Variants in ABI3BP observed in about 807,000 individuals in gnomAD.
ABI3BP encodes the protein ABI family member 3 binding protein.
A neutral mutation model predicts 268.6 loss-of-function variants in ABI3BP; 216 were observed. The observed-to-expected ratio is 0.80, with a 90% CI of 0.72 to 0.90. The LOEUF (loss-of-function observed/expected upper bound fraction) is 0.90. Among genes scored for constraint, ABI3BP ranks in the 40% least tolerant of loss-of-function variants. ABI3BP has a pLI of 0.00. For missense variants in ABI3BP, 2,090 were observed against 2,182.4 expected (o/e 0.96, Z 0.84); for synonymous variants, 730 against 730.0 (o/e 1.00, Z 0.00).
chr3:100,966,728 CAG>C (rs2081435559), intron 1 of ABI3BP, among the ~76,000 whole-genome samples: 1 of 152,100 alleles, frequency 6.6e-6, no homozygotes, highest in Non-Finnish European at 1.5e-5. Context: ...ACACATGAAA[CAG>C]ATTAATGTGA....
At chr3:100,796,524 G>C in intron 51 of ABI3BP, 56 bp from the exon 52 acceptor site, 1 of 1,314,474 alleles carries the variant, frequency 7.6e-7, no homozygotes, top group Non-Finnish European at 1.1e-6. Context: ...ACTGGAGTGA[G>C]CTTAACCCAC....
At chr3:100,988,526 T>A (rs2092375400) in intron 1 of ABI3BP, among the ~76,000 whole-genome samples, 1 of 152,170 alleles carries the variant, frequency 6.6e-6, no homozygotes, top group Admixed American at 6.5e-5. Flanking sequence ...GCAATCCTTC[T>A]CCTTGTCTCA....
chr3:100,917,625 C>T (rs184474145), intron 2 of ABI3BP, among the ~76,000 whole-genome samples: 16 of 152,136 alleles, frequency 1.1e-4, no homozygotes, highest in Middle Eastern at 3.4e-3. Flanking sequence ...ATTAGCCATT[C>T]GGGGACACTC....
intron 1 of ABI3BP, among the ~76,000 whole-genome samples, chr3:100,975,606 C>T (rs2085764929): frequency 6.6e-6 from 1 of 152,016 alleles, no homozygotes; most frequent in African/African-American, 2.4e-5. Context: ...GAATGTTTTG[C>T]TTGTTTAATT....
At chr3:100,911,304 C>T (rs1039767232) in intron 2 of ABI3BP, 9 of 283,738 alleles carry the variant, frequency 3.2e-5, no homozygotes, top group South Asian at 6.3e-5. Flanking sequence ...ACACAACACA[C>T]GAATGAAGAA....
chr3:100,775,126 G>A (rs922090925), intron 60 of ABI3BP, 81 bp downstream of exon 60: 1 of 1,512,456 alleles, frequency 6.6e-7, no homozygotes, highest in African/African-American at 1.4e-5. Flanking sequence ...CTCAAACTGA[G>A]ACTCACCCAT....
intron 35 of ABI3BP, among the ~76,000 whole-genome samples, chr3:100,825,571 G>A (rs2152728973): frequency 2.0e-5 from 3 of 152,306 alleles, no homozygotes; most frequent in Admixed American, 2.0e-4. Flanking sequence ...TTTGAGTTAA[G>A]CTCATGCCTG....
intron 14 of ABI3BP, among the ~76,000 whole-genome samples, chr3:100,857,454 G>A (rs2098952171): frequency 6.6e-6 from 1 of 152,110 alleles, no homozygotes; most frequent in Non-Finnish European, 1.5e-5. Flanking sequence ...TGGTAGTTGA[G>A]CTGGCTATTA....
intron 4 of ABI3BP, among the ~76,000 whole-genome samples, chr3:100,892,346 G>A (rs966429501): frequency 6.6e-6 from 1 of 152,130 alleles, no homozygotes; most frequent in Non-Finnish European, 1.5e-5. Flanking sequence ...TTCTAAGAAA[G>A]AATTGATGAA....
At chr3:100,808,086 T>G in intron 50 of ABI3BP, 75 bp downstream of exon 50, 2 of 1,286,746 alleles carry the variant, frequency 1.6e-6, no homozygotes, top group Non-Finnish European at 1.1e-6. Flanking sequence ...CTATCATAAC[T>G]ATTAATGAAC....
intron 32 of ABI3BP, among the ~76,000 whole-genome samples, chr3:100,830,156 TATATATATAA>T (rs1156548666): frequency 2.5e-4 from 20 of 78,446 alleles, no homozygotes; most frequent in African/African-American, 9.4e-4. Flanking sequence ...TATATATATA[TATATATATAA>T]AATGCAGATA....
chr3:100,809,919 G>T lies in ABI3BP; in HGVS notation c.3607+493C>A, dbSNP rs568893687. On this transcript the variant is annotated intron_variant, in intron 49 of 67. Transcript: ENST00000471714. ...TATGCAGTGAAATGGCCAAAGCACT[G>T]CAGAAAGGAGTGGAAAGAAGAAAGA... 2.4e-4 allele frequency among the ~76,000 whole-genome samples: 37 copies of T among 152,138 alleles called. No homozygotes were observed. In the East Asian group the frequency reaches 7.2e-3, roughly 29 times the overall value.
chr3:100,976,860 G>A (rs1258691323), intron 1 of ABI3BP, among the ~76,000 whole-genome samples: 1 of 150,968 alleles, frequency 6.6e-6, no homozygotes, highest in Admixed American at 6.6e-5. Context: ...ATGATAGCAG[G>A]ACCAATACAG....
At chr3:100,970,465 A>ACAGAGACAGG (rs2083121128) in intron 1 of ABI3BP, among the ~76,000 whole-genome samples, 1 of 152,246 alleles carries the variant, frequency 6.6e-6, no homozygotes, top group Non-Finnish European at 1.5e-5. Context: ...AATGTGACGT[A>ACAGAGACAGG]TAGAGACATA....
At chr3:100,911,203 T>C in intron 2 of ABI3BP, 1 of 395,604 alleles carries the variant, frequency 2.5e-6, no homozygotes, top group African/African-American at 2.2e-5. Context: ...TTCAGGAATG[T>C]CAGTGTGTTC....
At chr3:100,903,973 A>C (rs907724032) in intron 2 of ABI3BP, among the ~76,000 whole-genome samples, 2 of 152,214 alleles carry the variant, frequency 1.3e-5, no homozygotes, top group Non-Finnish European at 2.9e-5. Flanking sequence ...CATCTTGCTT[A>C]GTGAGGCTCG....
At chr3:100,831,558 G>C (rs1018964118) in intron 31 of ABI3BP, among the ~76,000 whole-genome samples, 1 of 152,076 alleles carries the variant, frequency 6.6e-6, no homozygotes, top group African/African-American at 2.4e-5. Flanking sequence ...CAGAAGTAGG[G>C]ATCATTGAAG....
chr3:100,760,901 A>G lies in ABI3BP; in HGVS notation c.4850+4940T>C, dbSNP rs577731365. ...GAGAGGGTTTTTTTTTTAAATTTTC[A>G]TTTTAGGGGTACATGTGCAGGTTTG... On this transcript the variant is annotated intron_variant, in intron 63 of 67. Transcript: ENST00000471714. Among the ~76,000 whole-genome samples the G allele has an allele frequency of 1.6e-4, 24 of 151,382 alleles. No homozygotes were observed. The South Asian group carries it at 4.8e-3, about 30-fold the overall frequency.
At position 100,834,728 on chromosome 3, in the gene ABI3BP, T is replaced by C; in HGVS notation, c.2237A>G (p.Lys746Arg). The stretch of plus-strand genomic sequence containing the variant: ...CTCTGGGCGTGGCGTGGTTTTATGT[T>C]TGGGACGTGGACGACGTGTTCTTGT... ...QRTRTRRPRP[K>R]HKTTPRPETL... Residue 746 changes from lysine to arginine, a missense_variant, in exon 29 of 68, where the codon AAA becomes AGA. Transcript: ENST00000471714. 1 of 1,535,750 alleles carries C rather than the reference T, an allele frequency of 6.5e-7. No individual in the cohort carries two copies. Among genetic ancestry groups the C allele is most frequent in the Admixed American group, 2.0e-5 (1 of 50,974 alleles).
Sources: allele counts gnomAD v4.1 joint callset (sites outside exome capture counted in the v4.1 genomes callset), GRCh38; gene constraint gnomAD v4.1.1; transcripts MANE v1.5; gene names NCBI Gene and HGNC (gene_info 2026-07-23, HGNC 2026-07-21).